Variants in APMAP observed in about 807,000 individuals in gnomAD.
The protein encoded by APMAP is adipocyte plasma membrane associated protein.
Under a neutral mutation model 43.6 loss-of-function variants are expected in APMAP, and 33 were observed. That is an observed-to-expected ratio of 0.76 (90% CI 0.57 to 1.01). APMAP has a LOEUF of 1.01. Among genes scored for constraint, APMAP ranks in the 50% least tolerant of loss-of-function variants. The probability of loss-of-function intolerance (pLI) is 0.00; values close to 1 mark genes in which losing one functional copy is unlikely to be tolerated. For missense variants in APMAP, 498 were observed against 540.7 expected, an observed-to-expected ratio of 0.92 and a Z score of 0.78; for synonymous variants, 224 against 216.7, an observed-to-expected ratio of 1.03 and a Z score of -0.30.
In APMAP at chr20:24,963,774, A is replaced by AT; in HGVS notation, c.*38_*39insA. ...CCAGGCCTGGTGCCTGAGTGTGAAG[A>AT]CTCCTGGCCTGCGTGGCAGGGGCAG... is the stretch of plus-strand genomic sequence containing the variant. On this transcript the variant is annotated 3_prime_UTR_variant, in exon 9 of 9. Coordinates refer to ENST00000217456, the MANE Select transcript of APMAP (RefSeq NM_020531.3). 2 of 1,591,864 alleles carry AT rather than the reference A, an allele frequency of 1.3e-6. No individual in the cohort carries two copies. Among genetic ancestry groups the AT allele is most frequent in the Admixed American group, 1.7e-5 (1 of 59,538 alleles).
intron 5 of APMAP, 109 bp downstream of exon 5, chr20:24,971,351 C>A: frequency 1.0e-6 from 1 of 980,002 alleles, no homozygotes; most frequent in Admixed American, 2.6e-5. Context: ...TAAGAAATAT[C>A]AGAGTCTTTA....
At chr20:24,970,747 TAGAA>T (rs1489261326) in intron 5 of APMAP, among the ~76,000 whole-genome samples, 39 of 152,154 alleles carry the variant, frequency 2.6e-4, no homozygotes, top group South Asian at 2.1e-4. Flanking sequence ...TGAAAAATAA[TAGAA>T]AGAACATGGA....
chr20:24,977,575 G>C (rs2088060839), intron 3 of APMAP, among the ~76,000 whole-genome samples: 2 of 152,112 alleles, frequency 1.3e-5, no homozygotes, highest in African/African-American at 4.8e-5. Context: ...CCACCAGAGA[G>C]GACCCCACTG....
rs551796997 is a variant in APMAP, at chr20:24,974,747, A to G, written c.329-1010T>C. ...CAGACCAAGGAAAGTTATCAGGGAT[A>G]AAGAGGAGCATCACACAATGACAAA... On this transcript the variant is annotated intron_variant, in intron 3 of 8. Transcript: ENST00000217456. Among the ~76,000 whole-genome samples the G allele has an allele frequency of 9.2e-5, 14 of 152,350 alleles. No individual in the cohort carries two copies. In the South Asian group the frequency reaches 2.9e-3, roughly 32 times the overall value.
At chr20:24,991,018 C>T (rs962167453) in intron 1 of APMAP, among the ~76,000 whole-genome samples, 5 of 152,226 alleles carry the variant, frequency 3.3e-5, no homozygotes, top group African/African-American at 1.2e-4. Context: ...ATCAGATTTA[C>T]TTACTCATTA....
In APMAP at chr20:24,973,631, T is replaced by C; in HGVS notation, c.421+14A>G. 6.2e-7 allele frequency: 1 copy of C among 1,608,938 alleles called. No individual in the cohort carries two copies. Among genetic ancestry groups the C allele is most frequent in the East Asian group, 2.2e-5 (1 of 44,780 alleles). Reference sequence around the variant, plus strand: ...GACTGGAAGAGACACATCGAGGGATTATCACCAACTTACTGCAAGGGCCCG... The same window carrying C: ...GACTGGAAGAGACACATCGAGGGATCATCACCAACTTACTGCAAGGGCCCG... On this transcript the variant is annotated intron_variant, in intron 4 of 8. Transcript: ENST00000217456.
At chr20:24,988,508 C>T (rs1286746580) in intron 1 of APMAP, among the ~76,000 whole-genome samples, 1 of 152,186 alleles carries the variant, frequency 6.6e-6, no homozygotes, top group Non-Finnish European at 1.5e-5. Flanking sequence ...TGTCCCAATG[C>T]TGCGGGATCT....
chr20:24,974,727 CA>C (rs1159869802), intron 3 of APMAP, among the ~76,000 whole-genome samples: 1 of 151,976 alleles, frequency 6.6e-6, no homozygotes, highest in Non-Finnish European at 1.5e-5. Flanking sequence ...CACTTCAGAC[CA>C]AGGAAAGTTA....
intron 7 of APMAP, 32 bp downstream of exon 7, chr20:24,969,494 G>A (rs1264180905): frequency 1.9e-6 from 3 of 1,588,668 alleles, no homozygotes; most frequent in South Asian, 2.2e-5. Flanking sequence ...GCTCTGGCCA[G>A]TAACTGATGG....
chr20:24,979,618 G>A (rs1345381551), intron 2 of APMAP, among the ~76,000 whole-genome samples: 2 of 152,056 alleles, frequency 1.3e-5, no homozygotes, highest in African/African-American at 2.4e-5. Context: ...ACCCTGGCTG[G>A]GGCCACCATC....
At chr20:24,991,775 T>A (rs7261299) in intron 1 of APMAP, among the ~76,000 whole-genome samples, 4,409 of 152,308 alleles carry the variant, frequency 0.029, 236 homozygotes, top group African/African-American at 0.1. Flanking sequence ...GGACACAGAA[T>A]TGAAAAGTGA....
chr20:24,985,186 T>C (rs914267427), intron 1 of APMAP, among the ~76,000 whole-genome samples: 2 of 152,148 alleles, frequency 1.3e-5, no homozygotes, highest in African/African-American at 4.8e-5. Flanking sequence ...TCCCCCAGTG[T>C]GAAACGGGGT....
intron 8 of APMAP, among the ~76,000 whole-genome samples, chr20:24,967,184 A>C (rs2087952230): frequency 6.6e-6 from 1 of 152,324 alleles, no homozygotes; most frequent in Non-Finnish European, 1.5e-5. Flanking sequence ...AGTCCCAGCT[A>C]GTCAGGAGGC....
intron 2 of APMAP, among the ~76,000 whole-genome samples, chr20:24,980,074 C>T (rs953929343): frequency 6.6e-6 from 1 of 152,224 alleles, no homozygotes; most frequent in Non-Finnish European, 1.5e-5. Flanking sequence ...TGTTTATGGT[C>T]TGTTTGTCCC....
chr20:24,969,389 T>C (rs982339863), intron 7 of APMAP, 137 bp downstream of exon 7: 10 of 1,371,784 alleles, frequency 7.3e-6, no homozygotes, highest in Middle Eastern at 2.7e-4. Flanking sequence ...AAGCGCACCC[T>C]TGAATTTTCT....
intron 1 of APMAP, among the ~76,000 whole-genome samples, chr20:24,985,113 C>A (rs1342112688): frequency 6.6e-6 from 1 of 152,026 alleles, no homozygotes; most frequent in African/African-American, 2.4e-5. Context: ...AAGGCCAAGC[C>A]CTCTTTCCCA....
At chr20:24,979,422 T>C (rs1265321415) in intron 2 of APMAP, among the ~76,000 whole-genome samples, 1 of 152,214 alleles carries the variant, frequency 6.6e-6, no homozygotes, top group African/African-American at 2.4e-5. Flanking sequence ...AGGCTCTTCC[T>C]GAAGCAGGAG....
At position 24,989,082 on chromosome 20, in the gene APMAP, TTTCTC is replaced by T. The variant is rs548661262; in HGVS notation, c.95+3507_95+3511del. Among the ~76,000 whole-genome samples, 8 of 152,236 alleles carry T rather than the reference TTTCTC, an allele frequency of 5.3e-5. No individual in the cohort carries two copies. In the East Asian group the frequency reaches 1.5e-3, roughly 29 times the overall value. ...ACAGTTAACCACAATTCTTCTGTCT[TTTCTC>T]GGTGTCTGCCTCCCTCTTACTCTTT... is the stretch of plus-strand genomic sequence containing the variant. On this transcript the variant is annotated intron_variant, in intron 1 of 8. Transcript: ENST00000217456.
intron 5 of APMAP, 84 bp from the exon 6 acceptor site, chr20:24,970,455 T>TA (rs2087989415): frequency 1.5e-6 from 2 of 1,307,880 alleles, no homozygotes; most frequent in South Asian, 3.2e-5. Context: ...CTAACTGATT[T>TA]AAAAAGAAAA....
Sources: gnomAD v4.1 joint callset for allele counts (sites outside exome capture counted in the v4.1 genomes callset) on GRCh38, gnomAD v4.1.1 for gene constraint, MANE v1.5 for transcripts, NCBI Gene and HGNC (gene_info 2026-07-23, HGNC 2026-07-21) for gene names.